Variants in OGG1 observed in about 807,000 individuals in gnomAD.
OGG1 encodes the protein N-glycosylase/DNA lyase.
In OGG1, 35 loss-of-function variants were observed where a neutral mutation model predicts 42.3. The observed-to-expected ratio is 0.83, with a 90% CI of 0.63 to 1.10. OGG1 has a LOEUF of 1.10. OGG1 is among the 50% of genes least tolerant of loss of function. The pLI, the probability that OGG1 is intolerant of heterozygous loss-of-function variation, is 0.00. For synonymous variants in OGG1, 189 were observed against 179.0 expected, an observed-to-expected ratio of 1.06 and a Z score of -0.44; for missense variants, 484 against 446.7, an observed-to-expected ratio of 1.08 and a Z score of -0.75.
At position 9,773,170 on chromosome 3, in the gene OGG1, A is replaced by C. The variant is rs1179162912; in HGVS notation, c.295-8343A>C. Among the ~76,000 whole-genome samples, 3 of 151,390 alleles carry C rather than the reference A, an allele frequency of 2.0e-5. No homozygotes were observed. The South Asian group carries it at 6.2e-4, about 32-fold the overall frequency. ...CTTGAACCCAGGAGATGGAAGTTGC[A>C]GTGAGCTGAGATTGCACCATTGTAC... On this transcript the variant is annotated intron_variant, in intron 2 of 3. Transcript: ENST00000426518.
chr3:9,750,864 A>G, intron 1 of OGG1, 81 bp from the exon 2 acceptor site: 1 of 1,510,758 alleles, frequency 6.6e-7, no homozygotes, highest in Non-Finnish European at 9.2e-7. Flanking sequence ...TCGTACATGG[A>G]GCTATTGTAG....
At chr3:9,753,663 A>AG (rs1235885342) in intron 3 of OGG1, among the ~76,000 whole-genome samples, 1 of 152,042 alleles carries the variant, frequency 6.6e-6, no homozygotes, top group Non-Finnish European at 1.5e-5. Context: ...CAACAAAAAA[A>AG]AAAAGAAACC....
downstream of OGG1, chr3:9,789,745 C>G: frequency 1.2e-6 from 2 of 1,613,768 alleles, no homozygotes; most frequent in Non-Finnish European, 8.5e-7. Flanking sequence ...GGATCCGTGG[C>G]ACGTCGATAG....
At chr3:9,752,920 A>G (rs2077369647) in intron 3 of OGG1, among the ~76,000 whole-genome samples, 1 of 152,016 alleles carries the variant, frequency 6.6e-6, no homozygotes, top group Non-Finnish European at 1.5e-5. Context: ...GCGTGATGGC[A>G]GGCACCTGTC....
intron 3 of OGG1, among the ~76,000 whole-genome samples, chr3:9,752,836 A>C (rs3219005): frequency 0.031 from 4,666 of 152,100 alleles, 111 homozygotes; most frequent in Non-Finnish European, 0.046. Flanking sequence ...AGATCATCTG[A>C]GGTCAGGAGT....
At chr3:9,750,600 G>T in intron 1 of OGG1, 177 bp downstream of exon 1, 4 of 861,766 alleles carry the variant, frequency 4.6e-6, no homozygotes, top group Non-Finnish European at 7.4e-6. Context: ...AGTGATAATT[G>T]TAAGGATCCA....
intron 2 of OGG1, among the ~76,000 whole-genome samples, chr3:9,781,018 G>T (rs2078447728): frequency 6.6e-6 from 1 of 152,006 alleles, no homozygotes; most frequent in African/African-American, 2.4e-5. Context: ...CACACCTGTA[G>T]TCCCAACTCC....
chr3:9,772,828 G>C (rs1239215622), intron 2 of OGG1, among the ~76,000 whole-genome samples: 1 of 152,204 alleles, frequency 6.6e-6, no homozygotes, highest in Non-Finnish European at 1.5e-5. Context: ...AACACTCTCA[G>C]CCGGGCCCCC....
intron 2 of OGG1, chr3:9,780,312 T>TC (rs2078429280): frequency 6.4e-7 from 1 of 1,557,108 alleles, no homozygotes; most frequent in Non-Finnish European, 8.7e-7. Context: ...GGGCCTCCCT[T>TC]CCCCTCCCCT....
downstream of OGG1, chr3:9,760,707 T>C: frequency 1.9e-6 from 3 of 1,614,014 alleles, no homozygotes; most frequent in Non-Finnish European, 2.5e-6. Flanking sequence ...TACTCGGCCT[T>C]CAAAATCTGT....
At chr3:9,757,491 G>GC (rs1559691171), downstream of OGG1, 1 of 1,603,516 alleles carries the variant, frequency 6.2e-7, no homozygotes, top group Non-Finnish European at 8.5e-7. This position sits in a 1 kb window ranked among gnomAD's most constrained non-coding sequence, Gnocchi z 4.5. Flanking sequence ...GGAGCAGGCT[G>GC]CCCCCAAGCC....
At chr3:9,753,412 G>A (rs1269747769) in intron 3 of OGG1, among the ~76,000 whole-genome samples, 2 of 151,524 alleles carry the variant, frequency 1.3e-5, no homozygotes, top group African/African-American at 4.9e-5. Flanking sequence ...CAGCATTTTG[G>A]GAGGCCGAGG....
downstream of OGG1, chr3:9,758,109 AAC>A (rs1355136465): frequency 2.4e-6 from 1 of 424,108 alleles, no homozygotes; most frequent in African/African-American, 2.0e-5. Context: ...TGTAATAGCA[AAC>A]ACTATAGCAC....
rs1307870347 is a variant in OGG1, at chr3:9,773,500, G to A, written c.295-8013G>A. ...AGCTTGCAGTGAGCAGAGACCACGC[G>A]CCACTGCACTCCAGCCTGGGCGACA... On this transcript the variant is annotated intron_variant, in intron 2 of 3. Transcript: ENST00000426518. Among the ~76,000 whole-genome samples the A allele has an allele frequency of 7.3e-5, 11 of 151,474 alleles. No individual in the cohort carries two copies. In the South Asian group the frequency reaches 1.9e-3, roughly 26 times the overall value.
downstream of OGG1, chr3:9,757,763 C>A (rs141116659): frequency 1.8e-5 from 29 of 1,614,022 alleles, no homozygotes; most frequent in Non-Finnish European, 2.5e-5. The surrounding 1 kb of genome is among the most constrained non-coding windows in gnomAD (Gnocchi z 4.5). Context: ...CCCCATGGCT[C>A]GCCGTCTGCC....
At chr3:9,773,694 T>G (rs2078330400) in intron 2 of OGG1, among the ~76,000 whole-genome samples, 1 of 151,628 alleles carries the variant, frequency 6.6e-6, no homozygotes, top group Admixed American at 6.6e-5. Flanking sequence ...ATTTATTTAT[T>G]TATTTATTAT....
downstream of OGG1, among the ~76,000 whole-genome samples, chr3:9,788,615 T>C (rs998718610): frequency 2.6e-5 from 4 of 151,408 alleles, no homozygotes; most frequent in Non-Finnish European, 4.4e-5. Flanking sequence ...TCTTGGCTCA[T>C]TGCAACCGAT....
Position 9,756,570 on chromosome 3 carries a change from C to T in OGG1, c.847C>T (p.Pro283Ser). The change falls in exon 5 of 7, where the codon CCT becomes TCT. Residue 283 changes from proline (P) to serine (S), a missense_variant. By Grantham distance (74) the Pro-to-Ser change is moderately conservative. Transcript: ENST00000344629. ...HIAQRDYSWH[P>S]TTSQAKGPSP... is the part of the protein sequence containing the mutation. ...TGCCCAACGTGACTACAGCTGGCAC[C>T]CTACCACGTCCCAGGCGAAGGGACC... 6.2e-7 allele frequency: 1 copy of T among 1,614,146 alleles called. No individual in the cohort carries two copies.
In OGG1 at chr3:9,751,776, G is replaced by T. The variant is rs747638147; in HGVS notation, c.392G>T (p.Arg131Leu). Residue 131 changes from arginine to leucine, a missense_variant, in exon 3 of 7, where the codon CGA becomes CTA. Arg to Leu is a moderately radical substitution (Grantham distance 102). Transcript: ENST00000344629. ...QEVAQKFQGV[R>L]LLRQDPIECL... Reference sequence around the variant, plus strand: ...CTGCATTTCTGGTCTCCAGGTGTGCGACTGCTGCGACAAGACCCCATCGAA... The same window carrying T: ...CTGCATTTCTGGTCTCCAGGTGTGCTACTGCTGCGACAAGACCCCATCGAA... The T allele has an allele frequency of 6.2e-7, 1 of 1,614,026 alleles. No individual in the cohort carries two copies. Among genetic ancestry groups the T allele is most frequent in the Non-Finnish European group, 8.5e-7 (1 of 1,180,028 alleles).
Sources: gnomAD v4.1 joint callset for allele counts (sites outside exome capture counted in the v4.1 genomes callset) on GRCh38, gnomAD v4.1.1 for gene constraint, Gnocchi (gnomAD v3.1) non-coding constraint, MANE v1.5 for transcripts, NCBI Gene and HGNC (gene_info 2026-07-23, HGNC 2026-07-21) for gene names.